Variants in ESRRB observed in about 807,000 individuals in gnomAD.
ESRRB encodes the protein steroid hormone receptor ERR2.
ESRRB carries 16 observed loss-of-function variants against 46.0 expected under a neutral mutation model. That is an observed-to-expected ratio of 0.35 (90% CI 0.24 to 0.53). ESRRB has a LOEUF of 0.53. Ranked by LOEUF, ESRRB falls within the 20% of genes least tolerant of loss-of-function variation. The probability of loss-of-function intolerance (pLI) is 0.93; values close to 1 mark genes in which losing one functional copy is unlikely to be tolerated. For synonymous variants in ESRRB, 246 were observed against 259.6 expected (o/e 0.95, Z 0.50); for missense variants, 488 against 607.4 (o/e 0.80, Z 2.07).
intron 1 of ESRRB, among the ~76,000 whole-genome samples, chr14:76,411,226 T>A (rs1203677223): frequency 6.6e-6 from 1 of 151,246 alleles, no homozygotes; most frequent in East Asian, 2.0e-4. Flanking sequence ...GGCAGGCAGA[T>A]CACCTGAGGT....
chr14:76,401,612 A>T (rs1230155928), intron 1 of ESRRB, among the ~76,000 whole-genome samples: 1 of 152,210 alleles, frequency 6.6e-6, no homozygotes, highest in East Asian at 1.9e-4. Context: ...CTTTGTATAG[A>T]TATACACATA....
chr14:76,439,955 G>T (rs765838191), intron 2 of ESRRB, among the ~76,000 whole-genome samples: 1 of 152,044 alleles, frequency 6.6e-6, no homozygotes, highest in African/African-American at 2.4e-5. Flanking sequence ...GATGACACGC[G>T]TTCCCCACCC....
intron 1 of ESRRB, among the ~76,000 whole-genome samples, chr14:76,351,106 C>T (rs949290097): frequency 2.0e-5 from 3 of 152,162 alleles, no homozygotes; most frequent in Non-Finnish European, 4.4e-5. Context: ...CAGTATTCCC[C>T]CAACCCTGGC....
intron 1 of ESRRB, among the ~76,000 whole-genome samples, chr14:76,331,294 C>A (rs1884010591): frequency 6.6e-6 from 1 of 152,124 alleles, no homozygotes; most frequent in African/African-American, 2.4e-5. Context: ...GGTTGTGGCT[C>A]CAGAATCAGA....
chr14:76,352,228 G>A lies in ESRRB; in HGVS notation c.2+41312G>A, dbSNP rs554458940. On this transcript the variant is annotated intron_variant, in intron 1 of 6. Coordinates refer to the ESRRB transcript ENST00000512784. ...AAAATGAGAATCAGAACAAGTACAC[G>A]TAATTTACACATCATTGGGAGCATT... 2.6e-5 allele frequency among the ~76,000 whole-genome samples: 4 copies of A among 152,248 alleles called. No individual in the cohort carries two copies. In the South Asian group the frequency reaches 6.2e-4, roughly 24 times the overall value.
At chr14:76,491,767 G>T (rs1197966437) in intron 6 of ESRRB, 51 bp downstream of exon 6, 11 of 1,520,608 alleles carry the variant, frequency 7.2e-6, no homozygotes, top group Non-Finnish European at 9.7e-6. Context: ...CTCTGCATGG[G>T]CCTAATGAGC....
In ESRRB at chr14:76,498,577, C is replaced by T. The variant is rs1890527728; in HGVS notation, c.*119C>T. ...CCTGTATCATGGCTCTGAGCTGTCC[C>T]AGAGGCGGGGGTTTCTCACCTCCTG... On this transcript the variant is annotated 3_prime_UTR_variant, in exon 7 of 7. Transcript: ENST00000644823. 2.7e-6 allele frequency: 4 copies of T among 1,499,858 alleles called. No homozygotes were observed. Among genetic ancestry groups the T allele is most frequent in the Non-Finnish European group, 3.6e-6 (4 of 1,115,772 alleles). The allele number at this position is 1,499,858 out of a possible 1,614,324, so 92.9% of individuals were successfully genotyped here.
chr14:76,455,372 G>T (rs2361290), intron 2 of ESRRB, among the ~76,000 whole-genome samples: 52,397 of 151,984 alleles, frequency 0.34, 11,066 homozygotes, highest in African/African-American at 0.6. Context: ...CTGACAGCAA[G>T]TTTTACCTTC....
intron 1 of ESRRB, among the ~76,000 whole-genome samples, chr14:76,434,423 G>T (rs896474001): frequency 6.6e-6 from 1 of 152,092 alleles, no homozygotes; most frequent in Non-Finnish European, 1.5e-5. Context: ...AGGTAAAGGC[G>T]GGGGATCACT....
At chr14:76,364,823 G>A (rs927975293) in intron 1 of ESRRB, among the ~76,000 whole-genome samples, 5 of 152,148 alleles carry the variant, frequency 3.3e-5, no homozygotes, top group African/African-American at 1.2e-4. Flanking sequence ...GACATGGCTG[G>A]GAGGGACCTC....
At chr14:76,429,424 G>T (rs1165343212) in intron 1 of ESRRB, among the ~76,000 whole-genome samples, 1 of 152,116 alleles carries the variant, frequency 6.6e-6, no homozygotes, top group African/African-American at 2.4e-5. Flanking sequence ...AATCACACAG[G>T]AGTGATTAAA....
At chr14:76,310,879 C>T (rs971578905) in exon 1 of ESRRB, 15 of 454,970 alleles carry the variant, frequency 3.3e-5, no homozygotes, top group Non-Finnish European at 6.2e-5. Context: ...ACATTCCACC[C>T]CAGCCCAGTC....
intron 1 of ESRRB, among the ~76,000 whole-genome samples, chr14:76,343,722 C>T (rs1038619453): frequency 3.3e-5 from 5 of 152,254 alleles, no homozygotes; most frequent in Admixed American, 6.5e-5. Flanking sequence ...TGCATGGCTT[C>T]TTCTGACCTA....
chr14:76,420,026 C>T (rs1237257694), intron 1 of ESRRB, among the ~76,000 whole-genome samples: 1 of 152,216 alleles, frequency 6.6e-6, no homozygotes, highest in Non-Finnish European at 1.5e-5. Flanking sequence ...TCAGTCTTTA[C>T]ACACCATATT....
intron 1 of ESRRB, among the ~76,000 whole-genome samples, chr14:76,331,958 G>T (rs1401269320): frequency 6.6e-6 from 1 of 151,976 alleles, no homozygotes; most frequent in Non-Finnish European, 1.5e-5. Flanking sequence ...GAACTTTGTG[G>T]CTTTGGTGTT....
upstream of ESRRB, among the ~76,000 whole-genome samples, chr14:76,374,784 G>C (rs551049578): frequency 6.6e-6 from 1 of 152,150 alleles, no homozygotes; most frequent in Non-Finnish European, 1.5e-5. Context: ...CTCTCTGTGA[G>C]ATGCCTTCCT....
rs534893851 is a variant in ESRRB at position 76,355,050 on chromosome 14, T to C, written c.2+44134T>C. On this transcript the variant is annotated intron_variant, in intron 1 of 6. Coordinates refer to the ESRRB transcript ENST00000512784. Reference sequence around the variant, plus strand: ...TCTGCACGGGCCAAGGAGGAGAGAATTTGAAATCCGTGTTTGTTTTATTCT... The same window carrying C: ...TCTGCACGGGCCAAGGAGGAGAGAACTTGAAATCCGTGTTTGTTTTATTCT... Among the ~76,000 whole-genome samples, 4 of 152,126 alleles carry C rather than the reference T, an allele frequency of 2.6e-5. 1 individual carries two copies. In the South Asian group the frequency reaches 8.3e-4, roughly 32 times the overall value.
At chr14:76,322,156 C>T (rs1363379467) in intron 1 of ESRRB, among the ~76,000 whole-genome samples, 2 of 152,190 alleles carry the variant, frequency 1.3e-5, no homozygotes, top group Admixed American at 1.3e-4. Context: ...CTTCACAGAC[C>T]CATGTGAAAG....
chr14:76,365,124 A>G (rs1449604304), intron 1 of ESRRB, among the ~76,000 whole-genome samples: 1 of 152,242 alleles, frequency 6.6e-6, no homozygotes, highest in African/African-American at 2.4e-5. Flanking sequence ...GCAAATAAAA[A>G]TGCCAAGTGG....
Sources: gnomAD v4.1 joint callset for allele counts (sites outside exome capture counted in the v4.1 genomes callset) on GRCh38, gnomAD v4.1.1 for gene constraint, MANE v1.5 for transcripts, NCBI Gene and HGNC (gene_info 2026-07-23, HGNC 2026-07-21) for gene names.